NHEJ1: variants seen among roughly 807,000 people sequenced by gnomAD.
NHEJ1 encodes the protein non-homologous end-joining factor 1.
NHEJ1 carries 22 observed loss-of-function variants against 39.4 expected under a neutral mutation model. That is an observed-to-expected ratio of 0.56 (90% CI 0.40 to 0.80). The LOEUF (loss-of-function observed/expected upper bound fraction) is 0.80, where lower values mean the gene tolerates loss of function less well. NHEJ1 is among the 30% of genes least tolerant of loss of function. The pLI is 0.00. For synonymous variants in NHEJ1, 154 were observed against 135.6 expected (o/e 1.14, Z -0.94); for missense variants, 329 against 357.1 (o/e 0.92, Z 0.63).
chr2:219,129,598 T>A (rs1027828336), intron 5 of NHEJ1, among the ~76,000 whole-genome samples: 2 of 152,138 alleles, frequency 1.3e-5, no homozygotes, highest in African/African-American at 4.8e-5. Context: ...AGGGGAGGGA[T>A]GTCGGGGCGG....
At chr2:219,107,594 A>T (rs1410615685) in intron 5 of NHEJ1, among the ~76,000 whole-genome samples, 1 of 152,182 alleles carries the variant, frequency 6.6e-6, no homozygotes, top group Non-Finnish European at 1.5e-5. Context: ...AGAAATAAGA[A>T]GCCCCAGGCT....
chr2:219,115,079 G>C (rs1484537470), intron 5 of NHEJ1, among the ~76,000 whole-genome samples: 3 of 152,062 alleles, frequency 2.0e-5, no homozygotes, highest in Non-Finnish European at 4.4e-5. Context: ...CGGTCTTCTA[G>C]GAGGTTGGGG....
intron 5 of NHEJ1, among the ~76,000 whole-genome samples, chr2:219,093,654 AAGG>A (rs1277468599): frequency 6.6e-6 from 1 of 152,232 alleles, no homozygotes; most frequent in Non-Finnish European, 1.5e-5. Flanking sequence ...GCAAACAGGA[AAGG>A]AGAAGTGACT....
intron 4 of NHEJ1, 107 bp from the exon 5 acceptor site, chr2:219,146,845 G>T: frequency 1.2e-6 from 1 of 859,004 alleles, no homozygotes; most frequent in Non-Finnish European, 2.0e-6. Context: ...GGAGGAAGGT[G>T]CATCATGCAG....
At chr2:219,078,032 A>C (rs1238949827) in intron 6 of NHEJ1, 57 bp downstream of exon 6, 1 of 1,177,006 alleles carries the variant, frequency 8.5e-7, no homozygotes, top group Middle Eastern at 2.1e-4. Flanking sequence ...ATTGGACAGC[A>C]TAAACCTAGA....
intron 5 of NHEJ1, among the ~76,000 whole-genome samples, chr2:219,138,280 T>C (rs1028902731): frequency 1.3e-5 from 2 of 152,246 alleles, no homozygotes; most frequent in African/African-American, 4.8e-5. Flanking sequence ...AAAGAGAGGT[T>C]CTGGGATTTC....
intron 3 of NHEJ1, among the ~76,000 whole-genome samples, chr2:219,152,763 G>A (rs1391336422): frequency 3.6e-5 from 5 of 139,866 alleles, no homozygotes; most frequent in South Asian, 2.4e-4. Flanking sequence ...CATCATCCCC[G>A]GGATCTCTTT....
At chr2:219,107,666 T>C (rs1221879823) in intron 5 of NHEJ1, among the ~76,000 whole-genome samples, 1 of 152,094 alleles carries the variant, frequency 6.6e-6, no homozygotes, top group Non-Finnish European at 1.5e-5. Flanking sequence ...TTCAGGAACA[T>C]CCACCATACC....
chr2:219,080,441 C>T (rs1430520479), intron 5 of NHEJ1, among the ~76,000 whole-genome samples: 5 of 151,764 alleles, frequency 3.3e-5, no homozygotes, highest in Non-Finnish European at 7.4e-5. Context: ...AGCAGAACGG[C>T]GTGAACCCGG....
chr2:219,139,180 C>T (rs188895478), intron 5 of NHEJ1, among the ~76,000 whole-genome samples: 3 of 152,086 alleles, frequency 2.0e-5, no homozygotes, highest in South Asian at 2.1e-4. Context: ...CTCTGCCTCC[C>T]GGGTTCAAGC....
intron 5 of NHEJ1, among the ~76,000 whole-genome samples, chr2:219,092,828 T>C (rs1049335612): frequency 4.6e-5 from 7 of 152,116 alleles, no homozygotes; most frequent in African/African-American, 1.4e-4. Flanking sequence ...AAATTGGCTG[T>C]GGGGGGCAGA....
rs140039670 is a variant in NHEJ1 at position 219,088,396 on chromosome 2, G to A, written c.589-10190C>T. 8.4e-3 allele frequency among the ~76,000 whole-genome samples: 1,285 copies of A among 152,270 alleles called. 26 individuals carry two copies. Among genetic ancestry groups the A allele is most frequent in the African/African-American group, 0.029 (1,194 of 41,534 alleles). ...TAATCCCAGCACTTTGGGAGGCCGA[G>A]GCAGGAGGATTGCTTGAGCCCGGGA... On this transcript the variant is annotated intron_variant, in intron 5 of 7. Coordinates refer to ENST00000356853, the MANE Select transcript of NHEJ1 (RefSeq NM_024782.3).
At chr2:219,136,806 T>C (rs2106354663) in intron 5 of NHEJ1, among the ~76,000 whole-genome samples, 1 of 152,228 alleles carries the variant, frequency 6.6e-6, no homozygotes, top group East Asian at 1.9e-4. Context: ...TTTCGCCATG[T>C]TGGCCAGGCT....
intron 5 of NHEJ1, among the ~76,000 whole-genome samples, chr2:219,118,249 A>G (rs1949434241): frequency 6.6e-6 from 1 of 152,210 alleles, no homozygotes; most frequent in African/African-American, 2.4e-5. Context: ...AGACTCCTCA[A>G]GAGAACCTGC....
intron 5 of NHEJ1, among the ~76,000 whole-genome samples, chr2:219,119,321 T>G (rs916743033): frequency 6.6e-6 from 1 of 152,194 alleles, no homozygotes; most frequent in African/African-American, 2.4e-5. Context: ...CTATGGCATC[T>G]GGTGGAATTG....
At chr2:219,086,089 G>A (rs953311464) in intron 5 of NHEJ1, among the ~76,000 whole-genome samples, 2 of 152,184 alleles carry the variant, frequency 1.3e-5, no homozygotes, top group African/African-American at 4.8e-5. Context: ...AATTAACTTT[G>A]TAAATGCTTT....
intron 5 of NHEJ1, among the ~76,000 whole-genome samples, chr2:219,078,663 T>C (rs1421495617): frequency 2.0e-5 from 3 of 152,224 alleles, no homozygotes; most frequent in South Asian, 2.1e-4. Context: ...GAAACAATTA[T>C]GGAGCTGTGA....
chr2:219,150,590 C>G (rs966272817), intron 3 of NHEJ1, among the ~76,000 whole-genome samples: 10 of 152,194 alleles, frequency 6.6e-5, no homozygotes, highest in African/African-American at 2.4e-4. Flanking sequence ...GAGGCCAAGG[C>G]AGGCGGATCG....
At chr2:219,080,230 C>T (rs1306769004) in intron 5 of NHEJ1, among the ~76,000 whole-genome samples, 2 of 152,054 alleles carry the variant, frequency 1.3e-5, no homozygotes, top group Non-Finnish European at 2.9e-5. Context: ...CTAGAATTGT[C>T]GAATACTTAA....
Sources: allele counts gnomAD v4.1 joint callset (sites outside exome capture counted in the v4.1 genomes callset), GRCh38; gene constraint gnomAD v4.1.1; transcripts MANE v1.5; gene names NCBI Gene and HGNC (gene_info 2026-07-23, HGNC 2026-07-21).